SSH1: variants seen among roughly 807,000 people sequenced by gnomAD.
SSH1 encodes protein phosphatase Slingshot homolog 1.
A neutral mutation model predicts 79.7 loss-of-function variants in SSH1; 43 were observed. The observed-to-expected ratio is 0.54, with a 90% confidence interval of 0.42 to 0.70. The LOEUF (loss-of-function observed/expected upper bound fraction) is 0.70. Among genes scored for constraint, SSH1 ranks in the 30% least tolerant of loss-of-function variants. The pLI is 0.00. For missense variants in SSH1, 1,206 were observed against 1,358.8 expected, an observed-to-expected ratio of 0.89 and a Z score of 1.77; for synonymous variants, 599 against 538.3, an observed-to-expected ratio of 1.11 and a Z score of -1.56.
chr12:108,811,377 G>T (rs374953354), intron 5 of SSH1, 49 bp from the exon 6 acceptor site: 3 of 1,568,062 alleles, frequency 1.9e-6, no homozygotes, highest in Non-Finnish European at 2.6e-6. Flanking sequence ...ACCCACCTAC[G>T]TGTACAGCCT....
intron 2 of SSH1, among the ~76,000 whole-genome samples, chr12:108,838,532 G>A (rs902709093): frequency 2.0e-5 from 3 of 152,220 alleles, no homozygotes; most frequent in African/African-American, 4.8e-5. Context: ...AAGGGCACGC[G>A]AAGCCAGGAT....
chr12:108,797,002 A>G (rs997718985), intron 13 of SSH1, among the ~76,000 whole-genome samples: 5 of 152,178 alleles, frequency 3.3e-5, no homozygotes, highest in Admixed American at 6.5e-5. Flanking sequence ...TGGGTCTCCC[A>G]AAGTACTGGG....
At chr12:108,834,367 G>C (rs1241374736) in intron 2 of SSH1, 1 of 152,212 alleles carries the variant, frequency 6.6e-6, no homozygotes, top group Non-Finnish European at 1.5e-5. Context: ...GTGAGCTATA[G>C]CTCCTCCCTT....
At chr12:108,797,077 C>T (rs532684352) in intron 13 of SSH1, among the ~76,000 whole-genome samples, 14 of 152,296 alleles carry the variant, frequency 9.2e-5, no homozygotes, top group Middle Eastern at 3.4e-3. Context: ...CTGTTTTCCA[C>T]AGCACCTGTA....
At chr12:108,811,413 C>G in intron 5 of SSH1, 85 bp from the exon 6 acceptor site, 1 of 1,291,670 alleles carries the variant, frequency 7.7e-7, no homozygotes, top group Non-Finnish European at 1.1e-6. Flanking sequence ...TGGTCCAGGA[C>G]GGGCTGTTGG....
chr12:108,855,745 A>G (rs2039130973), intron 1 of SSH1, among the ~76,000 whole-genome samples: 1 of 152,238 alleles, frequency 6.6e-6, no homozygotes, highest in African/African-American at 2.4e-5. Flanking sequence ...GCGCTCCTGC[A>G]ACCTAACTTC....
chr12:108,834,259 C>G (rs1593111956), intron 2 of SSH1: 1 of 152,340 alleles, frequency 6.6e-6, no homozygotes, highest in African/African-American at 2.4e-5. Context: ...CTGTGGTTCT[C>G]GGCTCATGGT....
intron 2 of SSH1, among the ~76,000 whole-genome samples, chr12:108,837,719 T>C (rs541649390): frequency 2.6e-5 from 4 of 152,214 alleles, no homozygotes; most frequent in African/African-American, 9.6e-5. Context: ...GGGGTATCCA[T>C]GACCTTGAGT....
intron 6 of SSH1, 103 bp from the exon 7 acceptor site, chr12:108,809,861 A>T: frequency 1.0e-6 from 1 of 952,914 alleles, no homozygotes; most frequent in East Asian, 2.4e-5. Context: ...CACGCTGGGA[A>T]CAAGCACATC....
chr12:108,808,840 T>G (rs1465958474), intron 7 of SSH1, among the ~76,000 whole-genome samples: 4 of 141,332 alleles, frequency 2.8e-5, no homozygotes, highest in African/African-American at 1.1e-4. Context: ...TTTTTTTTTT[T>G]TTTTTTTGTT....
intron 13 of SSH1, among the ~76,000 whole-genome samples, chr12:108,798,158 T>C (rs1170301742): frequency 6.6e-6 from 1 of 151,988 alleles, no homozygotes; most frequent in Non-Finnish European, 1.5e-5. Flanking sequence ...CCATGAGGGG[T>C]TGAGTGGGGT....
intron 2 of SSH1, 70 bp downstream of exon 2, chr12:108,852,568 G>C: frequency 1.3e-6 from 2 of 1,587,474 alleles, no homozygotes; most frequent in South Asian, 1.1e-5. Context: ...TTCCCTTTGG[G>C]AGAGGAACAA....
At chr12:108,806,489 C>T (rs2037281382) in intron 8 of SSH1, 95 bp from the exon 9 acceptor site, 2 of 1,134,064 alleles carry the variant, frequency 1.8e-6, no homozygotes, top group Middle Eastern at 2.3e-4. Flanking sequence ...CTAAACAGAA[C>T]ACGGCTTGGC....
intron 3 of SSH1, among the ~76,000 whole-genome samples, chr12:108,818,654 G>A (rs901472786): frequency 5.9e-5 from 9 of 152,188 alleles, no homozygotes; most frequent in Non-Finnish European, 1.0e-4. Flanking sequence ...AATGTTACTC[G>A]GCAGGTTGGG....
intron 2 of SSH1, among the ~76,000 whole-genome samples, chr12:108,828,682 C>CA (rs2038395074): frequency 6.6e-6 from 1 of 152,214 alleles, no homozygotes; most frequent in Admixed American, 6.5e-5. Context: ...AGGGGACCCA[C>CA]AGCCTTATCC....
In SSH1 at chr12:108,788,033, G is replaced by A. The variant is rs765377532; in HGVS notation, c.3105C>T (p.Pro1035=). The A allele has an allele frequency of 2.1e-5, 34 of 1,614,018 alleles. No homozygotes were observed. The Admixed American group carries it at 2.2e-4, about 10-fold the overall frequency. The change falls in exon 15 of 15, where the codon CCC becomes CCT. Residue 1035 remains proline, a synonymous_variant. Transcript: ENST00000326495. ...PAATSKPSGK[P]APENLKSPSW... The stretch of plus-strand genomic sequence containing the variant: ...AAGGGCTCTTTAAGTTTTCTGGGGC[G>A]GGTTTCCCTGATGGTTTGGAGGTTG...
intron 2 of SSH1, among the ~76,000 whole-genome samples, chr12:108,843,089 G>A (rs1477703104): frequency 6.6e-6 from 1 of 152,156 alleles, no homozygotes; most frequent in Non-Finnish European, 1.5e-5. Context: ...TTCCAGAGCA[G>A]GAATTTTTAT....
intron 5 of SSH1, among the ~76,000 whole-genome samples, chr12:108,816,724 C>T (rs1227328949): frequency 6.6e-6 from 1 of 152,230 alleles, no homozygotes; most frequent in Admixed American, 6.5e-5. Context: ...GTTGTTGTCA[C>T]CTCCTTCAGG....
chr12:108,788,257 G>A lies in SSH1; in HGVS notation c.2881C>T (p.Arg961Trp), dbSNP rs147004286. The change falls in exon 15 of 15, where the codon CGG (arginine) becomes TGG (tryptophan). Residue 961 changes from arginine (R) to tryptophan (W), a missense_variant. Physicochemically the swap from Arg to Trp is moderately radical, Grantham distance 101. Transcript: ENST00000326495. The stretch of plus-strand genomic sequence containing the variant: ...ACGGTGAGGCCCGCCAGCCGGAGCC[G>A]GGTCTCAATCTCCTGTGTCCGCTGC... ...VKQRTQEIETRLRLAGLTVSS... is the reference protein window; with the variant it reads ...VKQRTQEIETWLRLAGLTVSS... 2.5e-5 allele frequency: 40 copies of A among 1,613,714 alleles called. No individual in the cohort carries two copies. In the Middle Eastern group the frequency reaches 4.9e-4, roughly 20 times the overall value.
Sources: allele counts gnomAD v4.1 joint callset (sites outside exome capture counted in the v4.1 genomes callset), GRCh38; gene constraint gnomAD v4.1.1; transcripts MANE v1.5; gene names NCBI Gene and HGNC (gene_info 2026-07-23, HGNC 2026-07-21).